NALCN: variants seen among roughly 807,000 people sequenced by gnomAD.
NALCN encodes sodium leak channel NALCN.
NALCN carries 111 observed loss-of-function variants against 225.3 expected under a neutral mutation model. The ratio of observed to expected loss-of-function variants is 0.49; its 90% CI spans 0.42 to 0.58. The LOEUF (loss-of-function observed/expected upper bound fraction) is 0.58, where lower values mean the gene tolerates loss of function less well. NALCN is among the 20% of genes least tolerant of loss of function. The pLI is 0.00. For synonymous variants in NALCN, 764 were observed against 769.0 expected (o/e 0.99, Z 0.11); for missense variants, 1,378 against 2,202.4 (o/e 0.63, Z 7.49).
In NALCN at chr13:101,378,666, T is replaced by G. The variant is rs2046761178; in HGVS notation, c.292-13A>C. On this transcript the variant is annotated splice_polypyrimidine_tract_variant and intron_variant, in intron 3 of 43. Transcript: ENST00000251127. ...AGGAACTATCCCCCTAAAAATAAATTTTACATGGCATTATTAGGCAAAGCA... is the reference window on the plus strand; with the variant it reads ...AGGAACTATCCCCCTAAAAATAAATGTTACATGGCATTATTAGGCAAAGCA... 7 of 1,599,124 alleles carry G rather than the reference T, an allele frequency of 4.4e-6. No homozygotes were observed. The highest frequency in any genetic ancestry group is 6.0e-6 in the Non-Finnish European group (7 of 1,170,550).
chr13:101,295,458 T>C (rs1182469914), intron 7 of NALCN, among the ~76,000 whole-genome samples: 1 of 152,172 alleles, frequency 6.6e-6, no homozygotes, highest in African/African-American at 2.4e-5. Context: ...GAGAGGAACA[T>C]TGAAAATTAT....
intron 11 of NALCN, among the ~76,000 whole-genome samples, chr13:101,246,276 T>C (rs1273012485): frequency 6.6e-6 from 1 of 152,168 alleles, no homozygotes; most frequent in Non-Finnish European, 1.5e-5. Context: ...GAAAGATATT[T>C]GAAATGTGTT....
intron 1 of NALCN, among the ~76,000 whole-genome samples, chr13:101,407,861 T>C (rs57058739): frequency 0.022 from 3,424 of 152,324 alleles, 111 homozygotes; most frequent in East Asian, 0.11. Context: ...ATAATTTCTT[T>C]GAAACAAGTA....
intron 7 of NALCN, among the ~76,000 whole-genome samples, chr13:101,339,912 CA>C (rs1241221213): frequency 6.6e-6 from 1 of 151,978 alleles, no homozygotes; most frequent in East Asian, 1.9e-4. Flanking sequence ...GAATGCTAGT[CA>C]TTGATTGGAA....
intron 17 of NALCN, among the ~76,000 whole-genome samples, chr13:101,128,606 T>G (rs1035484071): frequency 6.6e-6 from 1 of 151,872 alleles, no homozygotes; most frequent in African/African-American, 2.4e-5. Context: ...CAGGCTGGAG[T>G]GCATGCAGTG....
intron 7 of NALCN, among the ~76,000 whole-genome samples, chr13:101,304,549 G>C (rs545120337): frequency 1.3e-5 from 2 of 152,056 alleles, no homozygotes; most frequent in South Asian, 2.1e-4. Flanking sequence ...CTCCGCCTGG[G>C]ATTACAGGCG....
Position 101,140,024 on chromosome 13 carries a change from T to C in NALCN, c.2118+3056A>G, listed in dbSNP as rs1253473325. Among the ~76,000 whole-genome samples, 7 of 152,172 alleles carry C rather than the reference T, an allele frequency of 4.6e-5. No individual in the cohort carries two copies. In the East Asian group the frequency reaches 1.4e-3, roughly 29 times the overall value. The stretch of plus-strand genomic sequence containing the variant: ...TGGTGGGAACTATTGCTGAAAATGG[T>C]GGATCCTGAAAAGAATTAAGTCTAC... On this transcript the variant is annotated intron_variant, in intron 17 of 43. Transcript: ENST00000251127.
intron 10 of NALCN, among the ~76,000 whole-genome samples, chr13:101,275,349 G>A (rs914537576): frequency 2.0e-5 from 3 of 152,176 alleles, no homozygotes; most frequent in South Asian, 4.1e-4. Flanking sequence ...TGGCTCAAAC[G>A]GAGAGTGAGA....
intron 7 of NALCN, among the ~76,000 whole-genome samples, chr13:101,312,828 C>G (rs916937073): frequency 6.6e-6 from 1 of 152,100 alleles, no homozygotes; most frequent in South Asian, 2.1e-4. Flanking sequence ...CTGGAAAAAA[C>G]TACTTTAAAG....
chr13:101,370,449 A>C (rs991887526), intron 6 of NALCN, among the ~76,000 whole-genome samples: 2 of 152,254 alleles, frequency 1.3e-5, no homozygotes. Flanking sequence ...TTTAATGCCC[A>C]TGTGAGGCGG....
Position 101,394,708 on chromosome 13 carries a change from C to T in NALCN, c.291+475G>A, listed in dbSNP as rs575743772. 6.6e-5 allele frequency among the ~76,000 whole-genome samples: 10 copies of T among 152,066 alleles called. No individual in the cohort carries two copies. In the South Asian group the frequency reaches 2.1e-3, roughly 32 times the overall value. On this transcript the variant is annotated intron_variant, in intron 3 of 43. Coordinates refer to ENST00000251127, the MANE Select transcript of NALCN (RefSeq NM_052867.4). ...TCCTTTTGGCCCCAGACATTTTTTC[C>T]ATCTCATGTCCTTTTTTTTTTATCC...
intron 27 of NALCN, among the ~76,000 whole-genome samples, chr13:101,100,220 C>G (rs1045116738): frequency 6.6e-6 from 1 of 152,102 alleles, no homozygotes; most frequent in Admixed American, 6.5e-5. Context: ...GCTTCTTGGA[C>G]ATTTTTGCAT....
intron 6 of NALCN, among the ~76,000 whole-genome samples, chr13:101,360,392 C>G (rs2046219535): frequency 6.6e-6 from 1 of 151,976 alleles, no homozygotes; most frequent in African/African-American, 2.4e-5. Flanking sequence ...AGTACCATTC[C>G]CAGCTATTTC....
chr13:101,176,181 A>C, intron 15 of NALCN, 119 bp downstream of exon 15: 1 of 589,652 alleles, frequency 1.7e-6, no homozygotes, highest in Non-Finnish European at 2.7e-6. Flanking sequence ...ACCACCTTCG[A>C]TAGCCTTATT....
intron 10 of NALCN, among the ~76,000 whole-genome samples, chr13:101,277,569 G>A (rs532194538): frequency 2.6e-5 from 4 of 151,952 alleles, no homozygotes; most frequent in African/African-American, 4.8e-5. Flanking sequence ...TTAACACATC[G>A]GAATAACTTT....
intron 3 of NALCN, among the ~76,000 whole-genome samples, chr13:101,390,056 T>C (rs2047101558): frequency 6.6e-6 from 1 of 152,210 alleles, no homozygotes; most frequent in African/African-American, 2.4e-5. Context: ...TACTCCGGCC[T>C]GGGTGACAGA....
chr13:101,221,848 A>T (rs2040952700), intron 13 of NALCN, among the ~76,000 whole-genome samples: 1 of 152,126 alleles, frequency 6.6e-6, no homozygotes, highest in Non-Finnish European at 1.5e-5. Flanking sequence ...ACGAAAAGGG[A>T]CTTACTTTCC....
At chr13:101,279,971 G>A (rs945513078) in intron 10 of NALCN, among the ~76,000 whole-genome samples, 13 of 152,026 alleles carry the variant, frequency 8.6e-5, no homozygotes, top group Admixed American at 8.5e-4. Flanking sequence ...AAGTTTTCCT[G>A]TTACCCAGTT....
intron 10 of NALCN, among the ~76,000 whole-genome samples, chr13:101,275,195 G>T (rs2042931223): frequency 6.6e-6 from 1 of 152,054 alleles, no homozygotes; most frequent in South Asian, 2.1e-4. Context: ...TCTCGTTAGG[G>T]CTTTTGATTG....
Sources: gnomAD v4.1 joint callset for allele counts (sites outside exome capture counted in the v4.1 genomes callset) on GRCh38, gnomAD v4.1.1 for gene constraint, MANE v1.5 for transcripts, NCBI Gene and HGNC (gene_info 2026-07-23, HGNC 2026-07-21) for gene names.